PCDH15: variants seen among roughly 807,000 people sequenced by gnomAD.
PCDH15 encodes protocadherin related 15.
In PCDH15, 129 loss-of-function variants were observed where a neutral mutation model predicts 178.5. That is an observed-to-expected ratio of 0.72 (90% CI 0.63 to 0.84). PCDH15 has a LOEUF of 0.84. Among genes scored for constraint, PCDH15 ranks in the 40% least tolerant of loss-of-function variants. The pLI is 0.00. For synonymous variants in PCDH15, 800 were observed against 732.0 expected (o/e 1.09, Z -1.50); for missense variants, 2,230 against 2,099.9 (o/e 1.06, Z -1.21).
At chr10:55,133,434 A>T (rs1382054309) in intron 2 of PCDH15, among the ~76,000 whole-genome samples, 3 of 152,068 alleles carry the variant, frequency 2.0e-5, no homozygotes, top group Non-Finnish European at 2.9e-5. Context: ...CTGGTATTGT[A>T]TCTTCCTGAT....
intron 2 of PCDH15, among the ~76,000 whole-genome samples, chr10:54,909,733 T>G (rs973651234): frequency 2.4e-4 from 36 of 152,052 alleles, no homozygotes; most frequent in African/African-American, 8.7e-4. Flanking sequence ...AGCAGCTGCT[T>G]GGGCAGCTGC....
chr10:55,058,610 C>T (rs1055506394), intron 2 of PCDH15, among the ~76,000 whole-genome samples: 5 of 152,128 alleles, frequency 3.3e-5, no homozygotes, highest in African/African-American at 4.8e-5. Context: ...ACACATACAA[C>T]TGAAATTAAT....
intron 18 of PCDH15, among the ~76,000 whole-genome samples, chr10:54,048,769 C>T (rs1032055315): frequency 2.6e-5 from 4 of 151,964 alleles, no homozygotes; most frequent in African/African-American, 9.7e-5. Context: ...CTACTGTAGG[C>T]TTGTAGTATA....
intron 3 of PCDH15, among the ~76,000 whole-genome samples, chr10:54,382,759 T>C (rs1471526445): frequency 3.3e-5 from 5 of 152,292 alleles, no homozygotes; most frequent in African/African-American, 1.2e-4. Context: ...TCCTTGATTA[T>C]ACTCTTGTGA....
At chr10:55,331,378 T>C in intron 2 of PCDH15, among the ~76,000 whole-genome samples, 1 of 152,046 alleles carries the variant, frequency 6.6e-6, no homozygotes, top group East Asian at 1.9e-4. Context: ...ATCAGAATTA[T>C]TATTAATGTA....
intron 2 of PCDH15, among the ~76,000 whole-genome samples, chr10:54,648,284 C>G (rs1394081650): frequency 6.6e-6 from 1 of 152,070 alleles, no homozygotes; most frequent in African/African-American, 2.4e-5. Context: ...TTAAACAGGA[C>G]AGCAGCAGTG....
chr10:54,147,423 T>G (rs2044097256), intron 14 of PCDH15, among the ~76,000 whole-genome samples: 1 of 151,816 alleles, frequency 6.6e-6, no homozygotes. Context: ...TTTACTTAAG[T>G]AAAAAACATT....
In PCDH15 at chr10:54,942,137, T is replaced by C. The variant is rs554574244; in HGVS notation, c.-79-44637A>G. Among the ~76,000 whole-genome samples, 13 of 152,236 alleles carry C rather than the reference T, an allele frequency of 8.5e-5. No homozygotes were observed. In the South Asian group the frequency reaches 2.1e-3, roughly 24 times the overall value. On this transcript the variant is annotated intron_variant, in intron 2 of 5. Transcript: ENST00000458638. ...CTTATTCTGACTGTGCTCTTCGGTC[T>C]ACACTTTCCTAAACTTTTTCATTCT... is the stretch of plus-strand genomic sequence containing the variant.
At chr10:55,587,286 ATTC>A (rs1481929429) in intron 2 of PCDH15, among the ~76,000 whole-genome samples, 10 of 152,096 alleles carry the variant, frequency 6.6e-5, no homozygotes, top group Admixed American at 1.3e-4. Flanking sequence ...TGTCAAGCAA[ATTC>A]TTCTCAATTA....
intron 3 of PCDH15, among the ~76,000 whole-genome samples, chr10:54,891,820 A>AT (rs1221144007): frequency 6.0e-5 from 9 of 150,988 alleles, no homozygotes; most frequent in South Asian, 2.1e-4. Context: ...AATATGCCTC[A>AT]TTTTTTTTTA....
intron 3 of PCDH15, among the ~76,000 whole-genome samples, chr10:54,868,592 C>T (rs977118412): frequency 1.3e-5 from 2 of 152,058 alleles, no homozygotes; most frequent in Admixed American, 6.6e-5. Flanking sequence ...TTTACCACAC[C>T]ATCTCTCTGT....
intron 15 of PCDH15, among the ~76,000 whole-genome samples, chr10:54,112,294 T>G (rs2095040612): frequency 6.6e-6 from 1 of 152,120 alleles, no homozygotes; most frequent in Non-Finnish European, 1.5e-5. Flanking sequence ...TCCTGTGCAT[T>G]TAGGGTGTTC....
At chr10:54,894,921 C>G (rs1470229380) in intron 3 of PCDH15, among the ~76,000 whole-genome samples, 1 of 152,140 alleles carries the variant, frequency 6.6e-6, no homozygotes, top group Non-Finnish European at 1.5e-5. Context: ...TTTCATTTAT[C>G]TGCTACTGAG....
chr10:53,964,002 C>T (rs975470303), intron 21 of PCDH15, among the ~76,000 whole-genome samples: 6 of 152,182 alleles, frequency 3.9e-5, no homozygotes, highest in African/African-American at 1.4e-4. Flanking sequence ...GCCTACTCAT[C>T]TGATTTCATC....
intron 2 of PCDH15, among the ~76,000 whole-genome samples, chr10:54,955,167 A>G (rs1337465470): frequency 6.6e-6 from 1 of 151,296 alleles, no homozygotes; most frequent in African/African-American, 2.4e-5. Context: ...GTTTTCCTTG[A>G]CTAAAATAAT....
At chr10:55,267,627 T>A (rs1314969677) in intron 1 of PCDH15, among the ~76,000 whole-genome samples, 2 of 152,320 alleles carry the variant, frequency 1.3e-5, no homozygotes, top group Admixed American at 6.5e-5. Context: ...CCTATAACAA[T>A]GTCCCTTTTC....
intron 2 of PCDH15, among the ~76,000 whole-genome samples, chr10:54,633,912 T>C (rs577492698): frequency 5.9e-5 from 9 of 152,242 alleles, no homozygotes; most frequent in African/African-American, 9.6e-5. Context: ...TCTGACAGCA[T>C]GGTTGTACAC....
intron 2 of PCDH15, among the ~76,000 whole-genome samples, chr10:55,416,237 C>G (rs1369860921): frequency 6.6e-6 from 1 of 151,690 alleles, no homozygotes; most frequent in Non-Finnish European, 1.5e-5. Flanking sequence ...ACATCCTCCA[C>G]AACCCCAACA....
intron 8 of PCDH15, among the ~76,000 whole-genome samples, chr10:54,300,239 T>A (rs2060067062): frequency 6.6e-6 from 1 of 152,168 alleles, no homozygotes; most frequent in Non-Finnish European, 1.5e-5. Flanking sequence ...AATCAAACAA[T>A]GCCTTTCAAA....
Sources: allele counts gnomAD v4.1 joint callset (sites outside exome capture counted in the v4.1 genomes callset), GRCh38; gene constraint gnomAD v4.1.1; transcripts MANE v1.5; gene names NCBI Gene and HGNC (gene_info 2026-07-23, HGNC 2026-07-21).